The following CADM2 variants were observed in gnomAD, a reference collection of about 807,000 sequenced individuals.
CADM2 encodes the protein immunoglobulin superfamily member 4D.
Under a neutral mutation model 49.8 loss-of-function variants are expected in CADM2, and 12 were observed. That is an observed-to-expected ratio of 0.24 (90% CI 0.15 to 0.39). The LOEUF is 0.39. CADM2 is among the 10% of genes least tolerant of loss of function. CADM2 has a pLI of 1.00. For synonymous variants in CADM2, 214 were observed against 175.4 expected, an observed-to-expected ratio of 1.22 and a Z score of -1.74; for missense variants, 378 against 492.3, an observed-to-expected ratio of 0.77 and a Z score of 2.20.
chr3:85,307,887 G>A (rs1276892745), intron 1 of CADM2, among the ~76,000 whole-genome samples: 2 of 147,224 alleles, frequency 1.4e-5, no homozygotes, highest in African/African-American at 5.0e-5. Flanking sequence ...GCTTCAAAAT[G>A]AAGATATTAA....
At chr3:85,853,974 T>G (rs756175518) in intron 3 of CADM2, among the ~76,000 whole-genome samples, 8 of 152,156 alleles carry the variant, frequency 5.3e-5, no homozygotes, top group Non-Finnish European at 1.0e-4. Context: ...GGTGATGTAA[T>G]GATGAGCCAG....
rs375122307 is a variant in CADM2, at chr3:85,070,988, CAATA to C, written c.61+111351_61+111354del. On this transcript the variant is annotated intron_variant, in intron 1 of 9. Transcript: ENST00000383699. ...TGGGCAATAGAGCGAAACTCTGTCT[CAATA>C]AATAAATAAATAAATAAATAAATAA... 2.8e-3 allele frequency among the ~76,000 whole-genome samples: 399 copies of C among 143,352 alleles called. 1 individual carries two copies. The highest frequency in any genetic ancestry group is 7.2e-3 in the South Asian group (32 of 4,470). 94.0% of individuals were successfully genotyped at this position (143,352 alleles called of 152,430 possible). A position where few individuals can be genotyped will look rare whatever the true frequency, so the allele number is the denominator to read the frequency against.
At chr3:85,025,636 T>A (rs2034689878) in intron 1 of CADM2, among the ~76,000 whole-genome samples, 1 of 152,206 alleles carries the variant, frequency 6.6e-6, no homozygotes, top group South Asian at 2.1e-4. Flanking sequence ...TATCTCCCTT[T>A]GCATAGCGCA....
intron 1 of CADM2, among the ~76,000 whole-genome samples, chr3:85,043,722 T>C (rs140060387): frequency 2.6e-5 from 4 of 152,088 alleles, no homozygotes; most frequent in African/African-American, 9.6e-5. Flanking sequence ...TCAGGCACCA[T>C]ATGTTTCTCC....
intron 1 of CADM2, among the ~76,000 whole-genome samples, chr3:85,214,150 G>T (rs967102255): frequency 2.0e-5 from 3 of 151,814 alleles, no homozygotes; most frequent in African/African-American, 4.8e-5. Context: ...ACATTATGGG[G>T]CACCCCAGGC....
chr3:85,954,092 A>G (rs906323759), intron 7 of CADM2, among the ~76,000 whole-genome samples: 2 of 151,006 alleles, frequency 1.3e-5, no homozygotes, highest in South Asian at 4.1e-4. Context: ...AATTTATTTG[A>G]TATTTAAAGA....
At chr3:85,840,092 G>A (rs1009850372) in intron 3 of CADM2, among the ~76,000 whole-genome samples, 12 of 151,466 alleles carry the variant, frequency 7.9e-5, no homozygotes, top group Non-Finnish European at 1.0e-4. Context: ...TTCAACATGC[G>A]TCCTTTTTTG....
At chr3:85,733,071 C>T (rs950352105) in intron 2 of CADM2, among the ~76,000 whole-genome samples, 3 of 152,124 alleles carry the variant, frequency 2.0e-5, no homozygotes, top group African/African-American at 7.2e-5. Context: ...GTCCACTGGC[C>T]AGAAAAATAT....
At chr3:85,398,548 A>G (rs2034916533) in intron 1 of CADM2, among the ~76,000 whole-genome samples, 1 of 152,156 alleles carries the variant, frequency 6.6e-6, no homozygotes, top group African/African-American at 2.4e-5. Context: ...GTCAAATGGT[A>G]TTTCTAGTTC....
At chr3:85,397,410 T>TG (rs2034845198) in intron 1 of CADM2, among the ~76,000 whole-genome samples, 1 of 152,238 alleles carries the variant, frequency 6.6e-6, no homozygotes, top group African/African-American at 2.4e-5. Context: ...ATTGAGGAGA[T>TG]GGTCAGACAC....
Position 85,830,901 on chromosome 3 carries a change from A to G in CADM2, c.238+28705A>G, listed in dbSNP as rs78086692. Among the ~76,000 whole-genome samples the G allele has an allele frequency of 2.5e-3, 378 of 151,140 alleles. 1 individual carries two copies. Among genetic ancestry groups the G allele is most frequent in the African/African-American group, 8.9e-3 (366 of 41,228 alleles). On this transcript the variant is annotated intron_variant, in intron 3 of 9. Transcript: ENST00000383699. ...CAGGCTTGTTACATGGATGAATTGC[A>G]TGCTGCTCAGGCTTGGTTTACAAAT...
chr3:85,149,109 TAA>T (rs60149715), intron 1 of CADM2, among the ~76,000 whole-genome samples: 116 of 151,840 alleles, frequency 7.6e-4, no homozygotes, highest in African/African-American at 2.8e-3. Context: ...CTTTTTTTTT[TAA>T]AAAAATCAAT....
intron 1 of CADM2, among the ~76,000 whole-genome samples, chr3:85,714,740 A>G (rs948925916): frequency 3.3e-5 from 5 of 151,784 alleles, no homozygotes; most frequent in African/African-American, 1.2e-4. Context: ...CTGTTTATCT[A>G]TTTTTACTTG....
At chr3:85,179,075 C>T (rs558426029) in intron 1 of CADM2, among the ~76,000 whole-genome samples, 10 of 151,874 alleles carry the variant, frequency 6.6e-5, no homozygotes, top group Non-Finnish European at 1.3e-4. Flanking sequence ...ATCATTATTA[C>T]TGAGGTATAA....
chr3:86,024,162 G>A (rs1301623495), intron 8 of CADM2, among the ~76,000 whole-genome samples: 2 of 152,162 alleles, frequency 1.3e-5, no homozygotes, highest in Non-Finnish European at 2.9e-5. Context: ...CCATTGGAAA[G>A]CAATGCCTCC....
intron 2 of CADM2, among the ~76,000 whole-genome samples, chr3:85,730,347 C>T (rs148392668): frequency 0.012 from 1,799 of 152,186 alleles, 41 homozygotes; most frequent in African/African-American, 0.042. Flanking sequence ...GAGGCTGAGG[C>T]AGGAGAATCT....
At chr3:85,504,738 C>A (rs2040253194) in intron 1 of CADM2, among the ~76,000 whole-genome samples, 2 of 152,152 alleles carry the variant, frequency 1.3e-5, no homozygotes, top group Non-Finnish European at 2.9e-5. Context: ...CGGCGCTCAT[C>A]GGGGAGGCTC....
intron 1 of CADM2, among the ~76,000 whole-genome samples, chr3:85,581,316 A>C (rs2062789346): frequency 6.6e-6 from 1 of 152,060 alleles, no homozygotes; most frequent in Non-Finnish European, 1.5e-5. Context: ...GAAGAAGCTA[A>C]TGTCTAGACA....
intron 4 of CADM2, among the ~76,000 whole-genome samples, chr3:85,885,523 C>G (rs958936944): frequency 6.6e-6 from 1 of 151,608 alleles, no homozygotes; most frequent in Non-Finnish European, 1.5e-5. Context: ...ATCTACTAAA[C>G]GTACAAAAAT....
Sources: allele counts gnomAD v4.1 joint callset (sites outside exome capture counted in the v4.1 genomes callset), GRCh38; gene constraint gnomAD v4.1.1; transcripts MANE v1.5; gene names NCBI Gene and HGNC (gene_info 2026-07-23, HGNC 2026-07-21).